Variants in FOXN3 observed in about 807,000 individuals in gnomAD.
FOXN3 encodes forkhead box N3.
A neutral mutation model predicts 38.4 loss-of-function variants in FOXN3; 7 were observed. That is an observed-to-expected ratio of 0.18 (90% CI 0.10 to 0.34). The LOEUF is 0.34. Among genes scored for constraint, FOXN3 ranks in the 10% least tolerant of loss-of-function variants. The pLI is 1.00. For synonymous variants in FOXN3, 230 were observed against 242.2 expected (o/e 0.95, Z 0.47); for missense variants, 456 against 613.4 (o/e 0.74, Z 2.71).
chr14:89,179,504 C>T (rs564445802), intron 5 of FOXN3, among the ~76,000 whole-genome samples: 1 of 152,146 alleles, frequency 6.6e-6, no homozygotes, highest in South Asian at 2.1e-4. Flanking sequence ...GGGATGGTAC[C>T]TTCAAGGGAT....
At chr14:89,170,861 T>C (rs1887371227) in intron 5 of FOXN3, among the ~76,000 whole-genome samples, 2 of 151,972 alleles carry the variant, frequency 1.3e-5, no homozygotes, top group East Asian at 1.9e-4. Context: ...CCAAAACCTA[T>C]AGAATGTAAT....
In FOXN3 at chr14:89,546,520, G is replaced by A. The variant is rs1277667335; in HGVS notation, c.-15+72508C>T. 6.6e-5 allele frequency among the ~76,000 whole-genome samples: 10 copies of A among 150,892 alleles called. No individual in the cohort carries two copies. In the East Asian group the frequency reaches 1.6e-3, roughly 24 times the overall value. On this transcript the variant is annotated intron_variant, in intron 1 of 6. Coordinates refer to the FOXN3 transcript ENST00000345097. ...AATTTTTTGTATTTTTAGTAGAGACGGGGTTTCACCATGTTGGCCAGGATG... is the reference window on the plus strand; with the variant it reads ...AATTTTTTGTATTTTTAGTAGAGACAGGGTTTCACCATGTTGGCCAGGATG...
In FOXN3 at chr14:89,202,884, T is replaced by C. The variant is rs577048347; in HGVS notation, c.746-22078A>G. Among the ~76,000 whole-genome samples the C allele has an allele frequency of 3.9e-5, 6 of 152,200 alleles. No homozygotes were observed. In the South Asian group the frequency reaches 1.2e-3, roughly 32 times the overall value. ...TTTATAAATTACGCAGGCTCAGGTA[T>C]TCCTTTCTAGTAATACAAAAAAACC... On this transcript the variant is annotated intron_variant, in intron 4 of 5. Transcript: ENST00000557258.
At chr14:89,383,454 G>A (rs1439390542) in intron 2 of FOXN3, among the ~76,000 whole-genome samples, 4 of 152,204 alleles carry the variant, frequency 2.6e-5, no homozygotes, top group African/African-American at 9.6e-5. Context: ...GTTTCCCAGA[G>A]CTGCCATCAC....
At chr14:89,536,921 G>A (rs1894701264) in intron 1 of FOXN3, among the ~76,000 whole-genome samples, 1 of 152,186 alleles carries the variant, frequency 6.6e-6, no homozygotes, top group South Asian at 2.1e-4. Flanking sequence ...TTATAAAGAA[G>A]TATAAAATCC....
At chr14:89,330,150 G>A (rs185596917) in intron 3 of FOXN3, among the ~76,000 whole-genome samples, 1 of 152,314 alleles carries the variant, frequency 6.6e-6, no homozygotes, top group East Asian at 1.9e-4. Context: ...GCTGACTTGA[G>A]GGCTGCAGAG....
chr14:89,471,380 T>C (rs544871752), intron 1 of FOXN3, among the ~76,000 whole-genome samples: 6 of 152,224 alleles, frequency 3.9e-5, no homozygotes, highest in South Asian at 2.1e-4. Context: ...GGTGGATGGA[T>C]TGCTTGAGCC....
At chr14:89,218,305 A>G (rs1371212311) in intron 4 of FOXN3, among the ~76,000 whole-genome samples, 1 of 152,186 alleles carries the variant, frequency 6.6e-6, no homozygotes, top group Non-Finnish European at 1.5e-5. Flanking sequence ...TAATCATGTG[A>G]TTTTTAATTA....
rs967394412 is a variant in FOXN3, at chr14:89,429,043, G to C, written c.-14-16553C>G. On this transcript the variant is annotated intron_variant, in intron 1 of 6. Transcript: ENST00000345097. ...TCCCAGGCATGTCTCCAAGGGCTCA[G>C]TGAGGAGGCAGCTGCAACAGTTCGC... Among the ~76,000 whole-genome samples the C allele has an allele frequency of 4.6e-5, 7 of 152,218 alleles. No individual in the cohort carries two copies. The South Asian group carries it at 1.4e-3, about 31-fold the overall frequency.
chr14:89,394,584 A>C (rs902614587), intron 2 of FOXN3, among the ~76,000 whole-genome samples: 2 of 152,188 alleles, frequency 1.3e-5, no homozygotes, highest in African/African-American at 4.8e-5. Context: ...TGATAAAGAA[A>C]ATGACATCAT....
intron 3 of FOXN3, chr14:89,291,339 C>A: frequency 1.8e-6 from 1 of 556,816 alleles, no homozygotes; most frequent in South Asian, 1.4e-5. Context: ...CATGAGATGC[C>A]ATCAGAAGGA....
chr14:89,498,700 C>G (rs759431915), intron 1 of FOXN3, among the ~76,000 whole-genome samples: 35 of 151,544 alleles, frequency 2.3e-4, no homozygotes, highest in Non-Finnish European at 4.6e-4. Context: ...GTTTCCAGAA[C>G]GCAGAATTGT....
upstream of FOXN3, chr14:89,419,072 G>A (rs1891838018): frequency 2.2e-6 from 1 of 454,832 alleles, no homozygotes; most frequent in African/African-American, 2.0e-5. Flanking sequence ...TGAGCCAAAG[G>A]TGATTGTACA....
At chr14:89,382,255 A>C (rs1890668240) in intron 2 of FOXN3, among the ~76,000 whole-genome samples, 1 of 151,998 alleles carries the variant, frequency 6.6e-6, no homozygotes, top group Admixed American at 6.5e-5. Context: ...TGCCAACCTA[A>C]TTCCATCCTT....
chr14:89,225,640 T>C (rs1884613203), intron 4 of FOXN3, among the ~76,000 whole-genome samples: 1 of 152,084 alleles, frequency 6.6e-6, no homozygotes, highest in Admixed American at 6.5e-5. Flanking sequence ...TATGAAATAA[T>C]ATTTGAACTA....
chr14:89,489,449 TC>T (rs542591973), intron 1 of FOXN3, among the ~76,000 whole-genome samples: 89 of 152,334 alleles, frequency 5.8e-4, no homozygotes, highest in African/African-American at 1.9e-3. Flanking sequence ...ATACAGCAGT[TC>T]TGAGGAACAA....
At chr14:89,238,579 A>C (rs1420196280) in intron 4 of FOXN3, among the ~76,000 whole-genome samples, 2 of 152,240 alleles carry the variant, frequency 1.3e-5, no homozygotes, top group African/African-American at 4.8e-5. Flanking sequence ...CAGTGGCTTA[A>C]GGGGTCACTT....
intron 1 of FOXN3, among the ~76,000 whole-genome samples, chr14:89,616,590 T>G (rs1321427206): frequency 1.3e-5 from 2 of 150,222 alleles, no homozygotes; most frequent in Non-Finnish European, 3.0e-5. Flanking sequence ...TTCCATTGCT[T>G]GAGTTCAACT....
intron 4 of FOXN3, among the ~76,000 whole-genome samples, chr14:89,187,633 C>A (rs1047738329): frequency 9.2e-5 from 14 of 152,186 alleles, no homozygotes; most frequent in South Asian, 4.1e-4. Context: ...TGCCTCAAAT[C>A]CCAAGGCAAA....
Sources: gnomAD v4.1 joint callset for allele counts (sites outside exome capture counted in the v4.1 genomes callset) on GRCh38, gnomAD v4.1.1 for gene constraint, MANE v1.5 for transcripts, NCBI Gene and HGNC (gene_info 2026-07-23, HGNC 2026-07-21) for gene names.